The following RELCH variants were observed in gnomAD, a reference collection of about 807,000 sequenced individuals.
RELCH encodes the protein RAB11 binding and LisH domain, coiled-coil and HEAT repeat containing, also known as RAB11-binding protein RELCH.
Under a neutral mutation model 150.3 loss-of-function variants are expected in RELCH, and 41 were observed. The observed-to-expected ratio is 0.27, with a 90% CI of 0.21 to 0.35. The LOEUF is 0.35. RELCH is among the 10% of genes least tolerant of loss of function. The pLI, the probability that RELCH is intolerant of heterozygous loss-of-function variation, is 1.00. For missense variants in RELCH, 1,092 were observed against 1,467.8 expected (o/e 0.74, Z 4.18); for synonymous variants, 478 against 531.8 (o/e 0.90, Z 1.39).
chr18:62,297,682 A>G (rs1274337044), intron 27 of RELCH, among the ~76,000 whole-genome samples: 2 of 152,136 alleles, frequency 1.3e-5, no homozygotes, highest in Non-Finnish European at 2.9e-5. Flanking sequence ...TCAAGGCACT[A>G]TAGGATCTGG....
chr18:62,238,712 G>A (rs2041995355), intron 10 of RELCH, among the ~76,000 whole-genome samples: 1 of 151,892 alleles, frequency 6.6e-6, no homozygotes, highest in Admixed American at 6.6e-5. Context: ...TTGGGATATT[G>A]GAAGTCTTCT....
At chr18:62,239,946 T>G (rs2042059610) in intron 10 of RELCH, among the ~76,000 whole-genome samples, 1 of 152,052 alleles carries the variant, frequency 6.6e-6, no homozygotes, top group Non-Finnish European at 1.5e-5. Context: ...ATTTTCACAT[T>G]ATATCCAAAT....
At chr18:62,272,577 A>G (rs956255510) in intron 20 of RELCH, among the ~76,000 whole-genome samples, 31 of 152,220 alleles carry the variant, frequency 2.0e-4, no homozygotes, top group Non-Finnish European at 4.4e-4. Flanking sequence ...ACAGATTGCC[A>G]GTGTTTCTTA....
chr18:62,219,500 T>TAAA (rs369704293), intron 2 of RELCH, among the ~76,000 whole-genome samples: 13 of 137,214 alleles, frequency 9.5e-5, no homozygotes, highest in South Asian at 4.6e-4. Context: ...TTTTAAAATG[T>TAAA]AAAAAAAAAA....
intron 18 of RELCH, among the ~76,000 whole-genome samples, chr18:62,265,484 T>C (rs1413925409): frequency 6.6e-6 from 1 of 152,060 alleles, no homozygotes; most frequent in African/African-American, 2.4e-5. Flanking sequence ...GTTAAGCCAG[T>C]ACTTTAGAGA....
rs952518313 is a variant in RELCH at position 62,264,872 on chromosome 18, G to A, written c.2631+20G>A. On this transcript the variant is annotated intron_variant, in intron 18 of 28. Transcript: ENST00000644646. ...ACTAAGGTAAAAACTTGTATTCCAT[G>A]TTTTCTTATATGAAAAAGACATAGA... The A allele has an allele frequency of 1.3e-6, 2 of 1,585,834 alleles. No homozygotes were observed. The highest frequency in any genetic ancestry group is 8.6e-7 in the Non-Finnish European group (1 of 1,165,042).
intron 10 of RELCH, chr18:62,235,022 T>A (rs2041807981): frequency 6.6e-6 from 1 of 151,936 alleles, no homozygotes; most frequent in Non-Finnish European, 1.5e-5. Flanking sequence ...CAATCAATGT[T>A]ATAGAAGATA....
At chr18:62,262,556 T>C (rs905700503) in intron 16 of RELCH, among the ~76,000 whole-genome samples, 1 of 152,164 alleles carries the variant, frequency 6.6e-6, no homozygotes, top group East Asian at 1.9e-4. Context: ...TATTTGGATG[T>C]CAGTTTTATT....
intron 20 of RELCH, among the ~76,000 whole-genome samples, 162 bp downstream of exon 20, chr18:62,269,110 AG>A (rs1251154226): frequency 6.6e-6 from 1 of 152,186 alleles, no homozygotes; most frequent in Non-Finnish European, 1.5e-5. Flanking sequence ...TTGAATAATA[AG>A]GGCCTGAGTA....
intron 14 of RELCH, 83 bp from the exon 15 acceptor site, chr18:62,258,429 G>T: frequency 8.2e-7 from 1 of 1,213,242 alleles, no homozygotes; most frequent in South Asian, 1.5e-5. Context: ...TTAATTTATT[G>T]AAATTTTTAT....
At chr18:62,224,063 C>T (rs1440286192) in intron 5 of RELCH, among the ~76,000 whole-genome samples, 1 of 152,058 alleles carries the variant, frequency 6.6e-6, no homozygotes. Context: ...TGGTTTGCTG[C>T]ACCCATCACC....
chr18:62,278,271 T>G (rs2044322189), intron 22 of RELCH, among the ~76,000 whole-genome samples: 1 of 152,170 alleles, frequency 6.6e-6, no homozygotes, highest in African/African-American at 2.4e-5. Flanking sequence ...ATCTTACTTA[T>G]AAAATGATAC....
chr18:62,235,501 A>G (rs2041834146), intron 10 of RELCH: 1 of 152,032 alleles, frequency 6.6e-6, no homozygotes, highest in Non-Finnish European at 1.5e-5. Flanking sequence ...GGTCATTGAA[A>G]TTTTTATAGA....
intron 25 of RELCH, among the ~76,000 whole-genome samples, chr18:62,287,024 T>A (rs1227918456): frequency 2.6e-5 from 4 of 152,230 alleles, no homozygotes; most frequent in African/African-American, 4.8e-5. Context: ...ACAAGAGGTA[T>A]GTTGTTTATA....
intron 18 of RELCH, 66 bp from the exon 19 acceptor site, chr18:62,266,635 C>A: frequency 2.1e-6 from 2 of 971,476 alleles, no homozygotes; most frequent in Non-Finnish European, 3.3e-6. Flanking sequence ...CAGTAGTAAA[C>A]ATTTCATTTA....
Position 62,308,562 on chromosome 18 carries a change from C to T in RELCH, c.*3028C>T, listed in dbSNP as rs979806028. ...TGGTGAAACCCCGCCTCTAAAAATA[C>T]AAAAATTAGCCAGGCGTGGTGACGT... is the stretch of plus-strand genomic sequence containing the variant. On this transcript the variant is annotated 3_prime_UTR_variant, in exon 29 of 29. Coordinates refer to ENST00000644646, the MANE Select transcript of RELCH (RefSeq NM_001346231.2). 1.3e-5 allele frequency: 2 copies of T among 152,008 alleles called. No individual in the cohort carries two copies. Among genetic ancestry groups the T allele is most frequent in the Non-Finnish European group, 2.9e-5 (2 of 67,992 alleles). The allele number at this position is 152,008 out of a possible 1,614,324, so 9.4% of individuals were successfully genotyped here.
chr18:62,248,581 C>G (rs1434871241), intron 11 of RELCH, among the ~76,000 whole-genome samples: 1 of 152,122 alleles, frequency 6.6e-6, no homozygotes, highest in Non-Finnish European at 1.5e-5. Context: ...CTTTATATGC[C>G]ATGCTTGATT....
At chr18:62,210,016 G>C (rs2040059436) in intron 1 of RELCH, among the ~76,000 whole-genome samples, 1 of 152,074 alleles carries the variant, frequency 6.6e-6, no homozygotes, top group Non-Finnish European at 1.5e-5. Context: ...GGATTCCTGA[G>C]AGTTTCTTAT....
At chr18:62,211,426 G>T (rs932792070) in intron 2 of RELCH, among the ~76,000 whole-genome samples, 184 bp downstream of exon 2, 3 of 152,064 alleles carry the variant, frequency 2.0e-5, no homozygotes, top group Non-Finnish European at 2.9e-5. Context: ...TTTTCTTCTT[G>T]TGGTACTGAG....
Sources: allele counts gnomAD v4.1 joint callset (sites outside exome capture counted in the v4.1 genomes callset), GRCh38; gene constraint gnomAD v4.1.1; transcripts MANE v1.5; gene names NCBI Gene and HGNC (gene_info 2026-07-23, HGNC 2026-07-21).